KCNH8: variants seen among roughly 807,000 people sequenced by gnomAD.
The protein encoded by KCNH8 is voltage-gated delayed rectifier potassium channel KCNH8.
KCNH8 carries 70 observed loss-of-function variants against 103.6 expected under a neutral mutation model. That is an observed-to-expected ratio of 0.68 (90% CI 0.56 to 0.82). The LOEUF (loss-of-function observed/expected upper bound fraction) is 0.82, where lower values mean the gene tolerates loss of function less well. Among genes scored for constraint, KCNH8 ranks in the 40% least tolerant of loss-of-function variants. KCNH8 has a pLI of 0.00. For synonymous variants in KCNH8, 498 were observed against 489.4 expected (o/e 1.02, Z -0.23); for missense variants, 1,217 against 1,329.9 (o/e 0.92, Z 1.32).
At chr3:19,337,921 T>C (rs201316317) in intron 3 of KCNH8, among the ~76,000 whole-genome samples, 1 of 151,146 alleles carries the variant, frequency 6.6e-6, no homozygotes, top group Non-Finnish European at 1.5e-5. Context: ...TAATCTCTGC[T>C]CTGTTATAGG....
chr3:19,474,035 C>T (rs1376425786), intron 11 of KCNH8, among the ~76,000 whole-genome samples: 1 of 152,162 alleles, frequency 6.6e-6, no homozygotes, highest in Non-Finnish European at 1.5e-5. Context: ...AGGATAATAA[C>T]ATTTCACAGG....
At chr3:19,377,861 G>C (rs1170474957) in intron 5 of KCNH8, among the ~76,000 whole-genome samples, 2 of 152,238 alleles carry the variant, frequency 1.3e-5, no homozygotes, top group African/African-American at 4.8e-5. Context: ...TGCTAAGTTA[G>C]TGGAAGGAAG....
intron 1 of KCNH8, among the ~76,000 whole-genome samples, chr3:19,215,533 G>A (rs948607328): frequency 2.0e-5 from 3 of 152,142 alleles, no homozygotes; most frequent in East Asian, 3.8e-4. Context: ...AAGTCAACAG[G>A]TCTTGGATCT....
chr3:19,218,456 T>A (rs944580760), intron 1 of KCNH8, among the ~76,000 whole-genome samples: 13 of 152,236 alleles, frequency 8.5e-5, no homozygotes, highest in African/African-American at 3.1e-4. Flanking sequence ...TGTCCACCTA[T>A]GTTCTGTGAC....
chr3:19,330,297 G>A (rs2065488103), intron 3 of KCNH8, among the ~76,000 whole-genome samples: 1 of 152,018 alleles, frequency 6.6e-6, no homozygotes, highest in South Asian at 2.1e-4. Flanking sequence ...CCTTATAAAT[G>A]TCTTCCTTAT....
chr3:19,485,425 C>A (rs895360663), intron 11 of KCNH8, among the ~76,000 whole-genome samples: 1 of 152,204 alleles, frequency 6.6e-6, no homozygotes, highest in Non-Finnish European at 1.5e-5. Context: ...TGGCAAGTAA[C>A]GCACTGTTGT....
At chr3:19,169,340 G>A (rs1207748128) in intron 1 of KCNH8, among the ~76,000 whole-genome samples, 17 of 146,622 alleles carry the variant, frequency 1.2e-4, no homozygotes, top group Middle Eastern at 3.5e-3. Context: ...CTCACTGCAA[G>A]CTCCGCCTCC....
chr3:19,229,279 G>A (rs897083668), intron 1 of KCNH8, among the ~76,000 whole-genome samples: 3 of 152,204 alleles, frequency 2.0e-5, no homozygotes, highest in Non-Finnish European at 2.9e-5. Flanking sequence ...GGGACTCTGT[G>A]GGGTGCTCCA....
rs546774767 is a variant in KCNH8 at position 19,411,423 on chromosome 3, T to G, written c.1177+16112T>G. On this transcript the variant is annotated intron_variant, in intron 7 of 15. Transcript: ENST00000328405. ...CAGCCAATATCATACTTAACAGGCA[T>G]AAACTGAAAACTTTCCCCTTGAGAA... 1.9e-3 allele frequency among the ~76,000 whole-genome samples: 294 copies of G among 152,032 alleles called. 4 individuals are homozygous for G. The highest frequency in any genetic ancestry group is 6.8e-3 in the African/African-American group (282 of 41,526).
At chr3:19,378,126 T>G (rs78327052) in intron 5 of KCNH8, among the ~76,000 whole-genome samples, 4,103 of 152,248 alleles carry the variant, frequency 0.027, 74 homozygotes, top group Non-Finnish European at 0.041. Flanking sequence ...CTTTAATGGG[T>G]GGCTTGTAAT....
In KCNH8 at chr3:19,438,270, G is replaced by T. The variant is rs769829596; in HGVS notation, c.1284G>T (p.Thr428=). The T allele has an allele frequency of 2.5e-6, 4 of 1,614,014 alleles. No individual in the cohort carries two copies. Among genetic ancestry groups the T allele is most frequent in the Non-Finnish European group, 1.7e-6 (2 of 1,179,972 alleles). ...CCTATATTGCCGCTCTGTACTTCAC[G>T]CTGAGCAGCCTCACCAGCGTGGGTT... The part of the protein sequence containing the change: ...RSAYIAALYF[T]LSSLTSVGFG... Residue 428 remains threonine (T), a synonymous_variant, in exon 8 of 16, where the codon ACG becomes ACT. Coordinates refer to ENST00000328405, the MANE Select transcript of KCNH8 (RefSeq NM_144633.3).
At chr3:19,151,964 A>C (rs2063134446) in intron 1 of KCNH8, among the ~76,000 whole-genome samples, 1 of 152,094 alleles carries the variant, frequency 6.6e-6, no homozygotes, top group Admixed American at 6.5e-5. Flanking sequence ...AGAACCTTAG[A>C]AATCTTAAAT....
chr3:19,394,848 G>GA (rs958651526), intron 6 of KCNH8, among the ~76,000 whole-genome samples: 2 of 151,562 alleles, frequency 1.3e-5, no homozygotes, highest in Non-Finnish European at 2.9e-5. Context: ...GACAGGAAGT[G>GA]AAAAAAAGAT....
intron 5 of KCNH8, among the ~76,000 whole-genome samples, chr3:19,373,324 C>A (rs191293957): frequency 0.011 from 1,679 of 152,152 alleles, 25 homozygotes; most frequent in African/African-American, 0.038. Context: ...TCAGCTTCTT[C>A]CTGGTTTAGT....
chr3:19,499,676 T>C (rs1348597223), intron 11 of KCNH8, among the ~76,000 whole-genome samples: 3 of 152,172 alleles, frequency 2.0e-5, no homozygotes, highest in African/African-American at 7.2e-5. Flanking sequence ...GAATTTCATA[T>C]CCAGCCAAAC....
chr3:19,353,959 T>C (rs2065842520), intron 5 of KCNH8, among the ~76,000 whole-genome samples: 2 of 152,294 alleles, frequency 1.3e-5, no homozygotes, highest in South Asian at 4.1e-4. Context: ...TGTTTGCAGG[T>C]GACATGATTG....
intron 1 of KCNH8, among the ~76,000 whole-genome samples, chr3:19,232,613 C>T (rs1293986284): frequency 1.3e-5 from 2 of 152,146 alleles, no homozygotes; most frequent in Non-Finnish European, 2.9e-5. Flanking sequence ...TTGAGTGGAT[C>T]CTGGGGTGCA....
At chr3:19,438,679 G>C (rs1215229068) in intron 8 of KCNH8, among the ~76,000 whole-genome samples, 1 of 152,158 alleles carries the variant, frequency 6.6e-6, no homozygotes, top group African/African-American at 2.4e-5. Flanking sequence ...TGAAGTAAGA[G>C]GTGGCTATGT....
chr3:19,240,497 A>G (rs1049819350), intron 1 of KCNH8, among the ~76,000 whole-genome samples: 1 of 151,770 alleles, frequency 6.6e-6, no homozygotes, highest in East Asian at 1.9e-4. Context: ...CTGTAATCCC[A>G]GGTACTCTAG....
Sources: allele counts gnomAD v4.1 joint callset (sites outside exome capture counted in the v4.1 genomes callset), GRCh38; gene constraint gnomAD v4.1.1; transcripts MANE v1.5; gene names NCBI Gene and HGNC (gene_info 2026-07-23, HGNC 2026-07-21).